NCAPG2: variants seen among roughly 807,000 people sequenced by gnomAD.
NCAPG2 encodes non-SMC condensin II complex subunit G2, also known as condensin-2 complex subunit G2.
Under a neutral mutation model 141.1 loss-of-function variants are expected in NCAPG2, and 53 were observed. The observed-to-expected ratio is 0.38, with a 90% CI of 0.30 to 0.47. The LOEUF is 0.47. NCAPG2 is among the 20% of genes least tolerant of loss of function. The pLI, the probability that NCAPG2 is intolerant of heterozygous loss-of-function variation, is 0.99. For missense variants in NCAPG2, 1,087 were observed against 1,389.0 expected (o/e 0.78, Z 3.46); for synonymous variants, 499 against 490.7 (o/e 1.02, Z -0.22).
At chr7:158,683,273 T>C (rs1834549673) in intron 9 of NCAPG2, 27 bp downstream of exon 9, 1 of 1,450,300 alleles carries the variant, frequency 6.9e-7, no homozygotes, top group African/African-American at 1.5e-5. Context: ...AAACATTATT[T>C]CAAAAACAAT....
At chr7:158,698,475 A>T (rs1329687728) in intron 2 of NCAPG2, among the ~76,000 whole-genome samples, 1 of 152,204 alleles carries the variant, frequency 6.6e-6, no homozygotes, top group Non-Finnish European at 1.5e-5. Context: ...GTTTAGACAC[A>T]CACCATTGTG....
intron 12 of NCAPG2, among the ~76,000 whole-genome samples, chr7:158,673,587 C>T (rs963413881): frequency 6.6e-6 from 1 of 152,230 alleles, no homozygotes; most frequent in Non-Finnish European, 1.5e-5. Flanking sequence ...CAGGTGTGCA[C>T]CCCAGGAGCA....
At chr7:158,658,822 A>C (rs1832232247) in intron 16 of NCAPG2, among the ~76,000 whole-genome samples, 1 of 152,184 alleles carries the variant, frequency 6.6e-6, no homozygotes, top group Admixed American at 6.5e-5. Context: ...AAAAGAAGGA[A>C]ATTATTCAGA....
intron 13 of NCAPG2, chr7:158,667,099 C>T: frequency 2.0e-6 from 2 of 977,872 alleles, no homozygotes; most frequent in Non-Finnish European, 1.2e-6. Flanking sequence ...GTAACCTTAA[C>T]TTTCAAGGGA....
chr7:158,645,396 G>A, intron 26 of NCAPG2, 123 bp downstream of exon 26: 1 of 778,012 alleles, frequency 1.3e-6, no homozygotes, highest in Non-Finnish European at 2.2e-6. Context: ...GGAGTGGAAA[G>A]GCTGGGGGAC....
At chr7:158,647,032 C>CAA (rs577862237) in intron 24 of NCAPG2, among the ~76,000 whole-genome samples, 22 of 91,574 alleles carry the variant, frequency 2.4e-4, no homozygotes, top group African/African-American at 8.7e-4. Flanking sequence ...CTCAATATGA[C>CAA]AAAAAAAAAA....
chr7:158,667,259 C>T (rs1833046512), intron 13 of NCAPG2: 1 of 980,320 alleles, frequency 1.0e-6, no homozygotes, highest in African/African-American at 1.8e-5. Context: ...GGCCAGAGAC[C>T]CTGTGTCCCT....
Position 158,656,703 on chromosome 7 carries a change from C to A in NCAPG2, c.2063G>T (p.Cys688Phe), listed in dbSNP as rs374355085. The A allele has an allele frequency of 1.2e-6, 2 of 1,613,614 alleles. No individual in the cohort carries two copies. Among genetic ancestry groups the A allele is most frequent in the East Asian group, 2.2e-5 (1 of 44,868 alleles). The stretch of plus-strand genomic sequence containing the variant: ...GCTTCTCAGCGTGGAAATCACACCA[C>A]AGCTGAAAATGTCAGACGGAAAATC... ...MPASAVPPFSCGVISTLRSRE... is the reference protein window; with the variant it reads ...MPASAVPPFSFGVISTLRSRE... The change falls in exon 18 of 28, where the codon TGT (cysteine) becomes TTT (phenylalanine). Residue 688 changes from cysteine (C) to phenylalanine (F), a missense_variant and splice_region_variant. Transcript: ENST00000356309.
In NCAPG2 at chr7:158,687,310, T is replaced by A. The variant is rs368039724; in HGVS notation, c.767+38A>T. ...CAAATGGAATCTTTCAAAACCAGATTAAGACAGCACAAAATCTTCAGTACT... is the reference window on the plus strand; with the variant it reads ...CAAATGGAATCTTTCAAAACCAGATAAAGACAGCACAAAATCTTCAGTACT... On this transcript the variant is annotated intron_variant, in intron 7 of 27. Coordinates refer to ENST00000356309, the MANE Select transcript of NCAPG2 (RefSeq NM_017760.7). 5 of 1,456,596 alleles carry A rather than the reference T, an allele frequency of 3.4e-6. No individual in the cohort carries two copies. The African/African-American group carries it at 7.1e-5, about 21-fold the overall frequency. 90.2% of individuals were successfully genotyped at this position (1,456,596 alleles called of 1,614,324 possible). A position where few individuals can be genotyped will look rare whatever the true frequency, so the allele number is the denominator to read the frequency against.
At chr7:158,684,273 AC>A (rs1320787273) in intron 8 of NCAPG2, among the ~76,000 whole-genome samples, 4 of 152,244 alleles carry the variant, frequency 2.6e-5, no homozygotes, top group Non-Finnish European at 4.4e-5. Flanking sequence ...TTTAGAGCTA[AC>A]TATCAGTATG....
intron 27 of NCAPG2, among the ~76,000 whole-genome samples, 159 bp downstream of exon 27, chr7:158,644,130 G>A (rs1056006994): frequency 2.0e-5 from 3 of 152,206 alleles, no homozygotes; most frequent in African/African-American, 7.2e-5. Flanking sequence ...TTAAACGTAA[G>A]CTAAAGGTCT....
At chr7:158,642,756 A>G (rs1587068819) in intron 27 of NCAPG2, among the ~76,000 whole-genome samples, 1 of 152,268 alleles carries the variant, frequency 6.6e-6, no homozygotes, top group South Asian at 2.1e-4. Context: ...AAAAACAGAA[A>G]CAGTAAAATC....
At chr7:158,641,630 G>A (rs182374060) in intron 27 of NCAPG2, 106 of 469,356 alleles carry the variant, frequency 2.3e-4, no homozygotes, top group African/African-American at 2.0e-3. Context: ...AGCAGGAGTA[G>A]TAGTATTAAT....
intron 22 of NCAPG2, 115 bp from the exon 23 acceptor site, chr7:158,652,595 T>G: frequency 1.1e-6 from 1 of 877,354 alleles, no homozygotes; most frequent in South Asian, 1.8e-5. Context: ...ATTATTACAC[T>G]TTGGTATTTG....
At chr7:158,686,085 G>A (rs1351560101) in intron 8 of NCAPG2, 87 bp downstream of exon 8, 1 of 782,792 alleles carries the variant, frequency 1.3e-6, no homozygotes. Context: ...GCATAAACAT[G>A]GATCTTAAAT....
intron 19 of NCAPG2, 89 bp from the exon 20 acceptor site, chr7:158,655,544 C>A: frequency 8.9e-7 from 1 of 1,128,642 alleles, no homozygotes; most frequent in Admixed American, 1.9e-5. Context: ...GCACCTGATC[C>A]TCAGGCGAGC....
chr7:158,633,113 T>G lies in NCAPG2; in HGVS notation c.3381-1396A>C, dbSNP rs546428219. 6.6e-6 allele frequency among the ~76,000 whole-genome samples: 1 copy of G among 152,342 alleles called. No individual in the cohort carries two copies. Among genetic ancestry groups the G allele is most frequent in the South Asian group, 2.1e-4 (1 of 4,824 alleles). On this transcript the variant is annotated intron_variant, in intron 27 of 27. Coordinates refer to ENST00000356309, the MANE Select transcript of NCAPG2 (RefSeq NM_017760.7). The surrounding 1 kb of genome is among the most constrained non-coding windows in gnomAD (Gnocchi z 4.1). ...ATGTAGTGAAAGAAAAAAGGGAATC[T>G]GCATATATTTCTTTAAGCTCTGGGG...
At position 158,631,603 on chromosome 7, in the gene NCAPG2, A is replaced by G; in HGVS notation, c.*63T>C. ...TTAACATTAAAAACAATAGGAAAAT[A>G]CACAGGCATTTCAATTTGAATCACT... On this transcript the variant is annotated 3_prime_UTR_variant, in exon 28 of 28. Transcript: ENST00000356309. 1 of 1,380,106 alleles carries G rather than the reference A, an allele frequency of 7.2e-7. No homozygotes were observed. 85.5% of individuals were successfully genotyped at this position (1,380,106 alleles called of 1,614,324 possible).
intron 8 of NCAPG2, among the ~76,000 whole-genome samples, chr7:158,683,705 A>C (rs763801005): frequency 4.6e-5 from 7 of 152,248 alleles, no homozygotes; most frequent in Admixed American, 6.5e-5. Flanking sequence ...GACTGAGTGC[A>C]TGGTGAGTGT....
Sources: allele counts gnomAD v4.1 joint callset (sites outside exome capture counted in the v4.1 genomes callset), GRCh38; gene constraint gnomAD v4.1.1; non-coding constraint Gnocchi (gnomAD v3.1); transcripts MANE v1.5; gene names NCBI Gene and HGNC (gene_info 2026-07-23, HGNC 2026-07-21).